Variants in OSBPL9 observed in about 807,000 individuals in gnomAD.
OSBPL9 encodes oxysterol-binding protein-related protein 9.
Under a neutral mutation model 106.6 loss-of-function variants are expected in OSBPL9, and 40 were observed. The observed-to-expected ratio is 0.38, with a 90% CI of 0.29 to 0.49. The LOEUF (loss-of-function observed/expected upper bound fraction) is 0.49. Ranked by LOEUF, OSBPL9 falls within the 20% of genes least tolerant of loss-of-function variation. The probability of loss-of-function intolerance (pLI) is 0.97; values close to 1 mark genes in which losing one functional copy is unlikely to be tolerated. For missense variants in OSBPL9, 609 were observed against 887.2 expected, an observed-to-expected ratio of 0.69 and a Z score of 3.98; for synonymous variants, 269 against 295.4, an observed-to-expected ratio of 0.91 and a Z score of 0.92.
At chr1:51,638,961 G>A (rs971915819) in intron 1 of OSBPL9, among the ~76,000 whole-genome samples, 1 of 151,882 alleles carries the variant, frequency 6.6e-6, no homozygotes, top group African/African-American at 2.4e-5. Context: ...AAAAACTACA[G>A]GAGTGAGTGA....
chr1:51,633,680 G>T (rs142513827), intron 1 of OSBPL9, among the ~76,000 whole-genome samples: 4,438 of 152,156 alleles, frequency 0.029, 98 homozygotes, highest in South Asian at 0.047. Context: ...AGAGTGCAGG[G>T]GCATGATCAT....
chr1:51,578,711 A>G (rs575843542), intron 1 of OSBPL9, among the ~76,000 whole-genome samples: 3 of 152,326 alleles, frequency 2.0e-5, no homozygotes, highest in Middle Eastern at 3.4e-3. Context: ...TGTGCCAGGT[A>G]TCAGGTGCAC....
intron 1 of OSBPL9, among the ~76,000 whole-genome samples, chr1:51,585,360 T>C (rs748792157): frequency 4.6e-5 from 7 of 152,138 alleles, no homozygotes; most frequent in Admixed American, 1.3e-4. Context: ...ATCTGTAGAT[T>C]AGGAAAATAA....
chr1:51,571,778 G>C, the OSBPL9 span, among the ~76,000 whole-genome samples: 2 of 152,206 alleles, frequency 1.3e-5, no homozygotes, highest in Non-Finnish European at 2.9e-5. Context: ...ACAAGGCAAA[G>C]AGCACCGAAC....
chr1:51,519,227 G>T, the OSBPL9 span: 1 of 1,365,554 alleles, frequency 7.3e-7, no homozygotes, highest in South Asian at 1.7e-5. Context: ...GGCCGCCGCA[G>T]CCATGGTGTT....
intron 3 of OSBPL9, among the ~76,000 whole-genome samples, chr1:51,705,714 C>T (rs948051014): frequency 7.2e-5 from 11 of 152,048 alleles, no homozygotes; most frequent in Non-Finnish European, 1.0e-4. Context: ...CACGCCTGGC[C>T]CCAATATTTT....
chr1:51,779,099 G>A (rs1675719854), intron 15 of OSBPL9, among the ~76,000 whole-genome samples: 1 of 152,122 alleles, frequency 6.6e-6, no homozygotes, highest in Non-Finnish European at 1.5e-5. Flanking sequence ...AGGGAGATAT[G>A]GAAACTTTCT....
chr1:51,588,905 G>A (rs1645259965), intron 1 of OSBPL9, among the ~76,000 whole-genome samples: 1 of 152,160 alleles, frequency 6.6e-6, no homozygotes, highest in South Asian at 2.1e-4. Context: ...TAGCAGTGAA[G>A]ACAGCAGAGA....
intron 3 of OSBPL9, among the ~76,000 whole-genome samples, chr1:51,697,997 T>C (rs1656434153): frequency 1.3e-5 from 2 of 152,074 alleles, no homozygotes; most frequent in Admixed American, 1.3e-4. Flanking sequence ...TATTTTCATG[T>C]ATGTCAGGCA....
chr1:51,691,117 G>A (rs1024877435), intron 3 of OSBPL9, among the ~76,000 whole-genome samples: 6 of 152,112 alleles, frequency 3.9e-5, no homozygotes, highest in Non-Finnish European at 8.8e-5. Flanking sequence ...AAGTTGCTCT[G>A]GGTGAGTCAG....
chr1:51,554,451 T>C, the OSBPL9 span, among the ~76,000 whole-genome samples: 1 of 152,170 alleles, frequency 6.6e-6, no homozygotes, highest in South Asian at 2.1e-4. Context: ...CTTCAACAAG[T>C]CAAAGGCTGC....
At chr1:51,521,923 A>T in the OSBPL9 span, among the ~76,000 whole-genome samples, 1 of 147,762 alleles carries the variant, frequency 6.8e-6, no homozygotes, top group Non-Finnish European at 1.5e-5. Context: ...ACACCAGCTA[A>T]TTTTTTTTTT....
At chr1:51,746,193 C>T (rs898171278) in intron 5 of OSBPL9, among the ~76,000 whole-genome samples, 1 of 152,180 alleles carries the variant, frequency 6.6e-6, no homozygotes, top group South Asian at 2.1e-4. Flanking sequence ...CCGCCTGCCT[C>T]GGCCTCCCAA....
chr1:51,785,613 C>G (rs1056438224), intron 20 of OSBPL9, 195 bp from the exon 21 acceptor site: 1 of 553,642 alleles, frequency 1.8e-6, no homozygotes, highest in African/African-American at 2.0e-5. Context: ...CTTGGGATCT[C>G]AAGTTCATAA....
intron 1 of OSBPL9, among the ~76,000 whole-genome samples, chr1:51,619,248 C>A (rs978871247): frequency 1.3e-5 from 2 of 152,170 alleles, no homozygotes; most frequent in Admixed American, 6.5e-5. Context: ...CTTTACAAAT[C>A]CCAAATTTGT....
intron 14 of OSBPL9, among the ~76,000 whole-genome samples, chr1:51,774,876 TA>T (rs1331074410): frequency 1.3e-5 from 2 of 152,242 alleles, no homozygotes; most frequent in Non-Finnish European, 2.9e-5. Context: ...AAAAAATATT[TA>T]TTTTTTTTAA....
rs759189261 is a variant in OSBPL9, at chr1:51,784,427, CT to C, written c.1689-11del. ...CTTAACTGTCAACCTTACCTAAAAA[CT>C]TTTGATTTTGCAGGTCTATCCTCAC... On this transcript the variant is annotated splice_polypyrimidine_tract_variant and intron_variant, in intron 19 of 23. Coordinates refer to ENST00000428468, the MANE Select transcript of OSBPL9 (RefSeq NM_024586.6). 6.2e-7 allele frequency: 1 copy of C among 1,613,894 alleles called. No homozygotes were observed. The highest frequency in any genetic ancestry group is 8.5e-7 in the Non-Finnish European group (1 of 1,179,882).
intron 1 of OSBPL9, among the ~76,000 whole-genome samples, chr1:51,627,990 T>A (rs1314708010): frequency 6.6e-6 from 1 of 152,242 alleles, no homozygotes; most frequent in African/African-American, 2.4e-5. Context: ...TGTTTTACTG[T>A]TCTTGAAGAG....
At chr1:51,602,617 C>G (rs1553149260) in intron 2 of OSBPL9, among the ~76,000 whole-genome samples, 1 of 150,716 alleles carries the variant, frequency 6.6e-6, no homozygotes, top group Non-Finnish European at 1.5e-5. Context: ...TTTGTAGAGA[C>G]GAGGAGTGGG....
Sources: allele counts gnomAD v4.1 joint callset (sites outside exome capture counted in the v4.1 genomes callset), GRCh38; gene constraint gnomAD v4.1.1; transcripts MANE v1.5; gene names NCBI Gene and HGNC (gene_info 2026-07-23, HGNC 2026-07-21).